PCDH11X: variants seen among roughly 807,000 people sequenced by gnomAD.
PCDH11X encodes the protein protocadherin 11 X-linked, also known as protocadherin-11 X-linked.
PCDH11X carries 18 observed loss-of-function variants against 53.3 expected under a neutral mutation model. That is an observed-to-expected ratio of 0.34 (90% CI 0.23 to 0.50). The LOEUF is 0.50. Among genes scored for constraint, PCDH11X ranks in the 20% least tolerant of loss-of-function variants. The pLI is 0.98. For synonymous variants in PCDH11X, 279 were observed against 393.3 expected (o/e 0.71, Z 3.44); for missense variants, 570 against 1,032.4 (o/e 0.55, Z 6.14).
chrX:92,215,051 A>C (rs7877373), intron 7 of PCDH11X, among the ~76,000 whole-genome samples: 7,467 of 111,022 alleles, frequency 0.067, 337 homozygotes, highest in East Asian at 0.19. Flanking sequence ...CCCGACTAAA[A>C]AGAAAACACT....
rs1169484711 is a variant in PCDH11X, at chrX:92,613,542, TTGTTGTGTGTGTG to T, written c.3368-4718_3368-4706del. The stretch of plus-strand genomic sequence containing the variant: ...CCTTTAAGTTTTTTTGTTGTTGTTG[TTGTTGTGTGTGTG>T]TGTGTGTGTGTGTGTGTGTGTGTGT... On this transcript the variant is annotated intron_variant, in intron 10 of 10. Coordinates refer to ENST00000682573, the MANE Select transcript of PCDH11X (RefSeq NM_032968.5). 3.2e-5 allele frequency among the ~76,000 whole-genome samples: 3 copies of T among 94,259 alleles called. No homozygotes were observed. The East Asian group carries it at 9.7e-4, about 30-fold the overall frequency. 81.9% of individuals were successfully genotyped at this position (94,259 alleles called of 115,157 possible). A position where few individuals can be genotyped will look rare whatever the true frequency, so the allele number is the denominator to read the frequency against.
At chrX:92,284,560 T>C (rs1394718573) in intron 8 of PCDH11X, among the ~76,000 whole-genome samples, 1 of 112,386 alleles carries the variant, frequency 8.9e-6, no homozygotes, top group African/African-American at 3.2e-5. Context: ...TTGTTATTAC[T>C]GACCCTCTTC....
intron 10 of PCDH11X, among the ~76,000 whole-genome samples, chrX:92,509,037 C>A (rs1479134560): frequency 2.2e-5 from 2 of 92,843 alleles, no homozygotes; most frequent in Non-Finnish European, 4.4e-5. Flanking sequence ...ACTCTCATAG[C>A]AATTTCCCTG....
At chrX:92,419,194 A>C (rs2071890488) in intron 9 of PCDH11X, among the ~76,000 whole-genome samples, 1 of 105,685 alleles carries the variant, frequency 9.5e-6, no homozygotes, top group African/African-American at 3.4e-5. Context: ...TAGTCATTTC[A>C]ACTTTTTTGC....
intron 6 of PCDH11X, among the ~76,000 whole-genome samples, chrX:91,902,560 G>T (rs113724822): frequency 1.9e-5 from 2 of 106,400 alleles, no homozygotes; most frequent in East Asian, 6.0e-4. Context: ...TACTCTCTCT[G>T]TTGTTTTATA....
intron 6 of PCDH11X, among the ~76,000 whole-genome samples, chrX:92,166,025 G>T (rs1214172550): frequency 1.8e-5 from 2 of 111,493 alleles, no homozygotes; most frequent in African/African-American, 3.3e-5. Context: ...GATTGTGAAT[G>T]ACATTACTTC....
chrX:92,309,721 C>T (rs1214253262), intron 8 of PCDH11X, among the ~76,000 whole-genome samples: 1 of 111,736 alleles, frequency 8.9e-6, no homozygotes, highest in African/African-American at 3.3e-5. Flanking sequence ...CCTGTAACTT[C>T]TACCAATTCT....
intron 9 of PCDH11X, among the ~76,000 whole-genome samples, chrX:92,404,589 A>C (rs1416950680): frequency 9.2e-6 from 1 of 109,226 alleles, no homozygotes; most frequent in Non-Finnish European, 1.9e-5. Flanking sequence ...ATATAGTAAG[A>C]ATATCCTACT....
chrX:92,214,629 G>T (rs1231599521), intron 7 of PCDH11X, among the ~76,000 whole-genome samples: 1 of 111,697 alleles, frequency 9.0e-6, no homozygotes, highest in Non-Finnish European at 1.9e-5. Flanking sequence ...AAAATTGGAA[G>T]GTAAAACAGG....
At chrX:91,786,346 G>C (rs1403851624) in intron 1 of PCDH11X, among the ~76,000 whole-genome samples, 1 of 109,779 alleles carries the variant, frequency 9.1e-6, no homozygotes, top group East Asian at 2.9e-4. Context: ...ATAAATTCCG[G>C]AAGAATATAT....
intron 1 of PCDH11X, among the ~76,000 whole-genome samples, chrX:91,791,814 C>T (rs1330128179): frequency 2.0e-5 from 2 of 101,717 alleles, no homozygotes; most frequent in African/African-American, 7.5e-5. Context: ...AAAACTTACT[C>T]TATGGTAAAT....
chrX:91,856,945 A>C (rs1000618578), intron 5 of PCDH11X, among the ~76,000 whole-genome samples: 5 of 111,957 alleles, frequency 4.5e-5, no homozygotes, highest in Admixed American at 9.5e-5. Flanking sequence ...GCAATAATGT[A>C]TATTCCCTTG....
intron 6 of PCDH11X, among the ~76,000 whole-genome samples, chrX:91,970,050 T>G (rs1480388817): frequency 9.0e-6 from 1 of 111,023 alleles, no homozygotes; most frequent in Non-Finnish European, 1.9e-5. Context: ...ACCATCACAG[T>G]GAGTGTTACA....
At chrX:91,992,062 C>T (rs1440109614) in intron 6 of PCDH11X, among the ~76,000 whole-genome samples, 1 of 108,756 alleles carries the variant, frequency 9.2e-6, no homozygotes, top group Admixed American at 9.9e-5. Flanking sequence ...AGTAAGTATT[C>T]ATTTTAATCA....
chrX:92,385,037 A>G (rs1330249219), intron 8 of PCDH11X, among the ~76,000 whole-genome samples: 2 of 100,420 alleles, frequency 2.0e-5, no homozygotes, highest in Non-Finnish European at 4.1e-5. Context: ...TAGGTTAGAT[A>G]CCTTTCAGTG....
rs373461331 is a variant in PCDH11X, at chrX:92,073,095, A to G, written c.3034-128280A>G. On this transcript the variant is annotated intron_variant, in intron 6 of 10. Transcript: ENST00000682573. ...ACAAGGTAGCACTGAGTTCGATGTA[A>G]AGTCTCCCAGTCACTGCTCTCTGTC... Among the ~76,000 whole-genome samples, 4 of 110,851 alleles carry G rather than the reference A, an allele frequency of 3.6e-5. No individual in the cohort carries two copies. The East Asian group carries it at 1.1e-3, about 32-fold the overall frequency.
chrX:92,257,028 A>G (rs1430579052), intron 7 of PCDH11X, among the ~76,000 whole-genome samples: 3 of 111,642 alleles, frequency 2.7e-5, no homozygotes, highest in South Asian at 3.7e-4. Flanking sequence ...AAATTGGCTC[A>G]TGGTTCTGCC....
chrX:92,112,536 T>A (rs754464124), intron 6 of PCDH11X, among the ~76,000 whole-genome samples: 1 of 109,913 alleles, frequency 9.1e-6, no homozygotes, highest in Non-Finnish European at 1.9e-5. Flanking sequence ...AATAGGCATG[T>A]TCACTTTTTA....
At chrX:91,837,517 C>A (rs1937346403) in intron 5 of PCDH11X, among the ~76,000 whole-genome samples, 1 of 111,033 alleles carries the variant, frequency 9.0e-6, no homozygotes, top group African/African-American at 3.3e-5. Context: ...TTTATGCTTA[C>A]CTCTTACCAG....
Sources: gnomAD v4.1 joint callset for allele counts (sites outside exome capture counted in the v4.1 genomes callset) on GRCh38, gnomAD v4.1.1 for gene constraint, MANE v1.5 for transcripts, NCBI Gene and HGNC (gene_info 2026-07-23, HGNC 2026-07-21) for gene names.